The following TRIM66 variants were observed in gnomAD, a reference collection of about 807,000 sequenced individuals.
The protein encoded by TRIM66 is tripartite motif containing 66.
Under a neutral mutation model 148.2 loss-of-function variants are expected in TRIM66, and 99 were observed. The observed-to-expected ratio is 0.67, with a 90% CI of 0.57 to 0.79. The LOEUF is 0.79. Among genes scored for constraint, TRIM66 ranks in the 30% least tolerant of loss-of-function variants. The probability of loss-of-function intolerance (pLI) is 0.00; values close to 1 mark genes in which losing one functional copy is unlikely to be tolerated. For missense variants in TRIM66, 1,666 were observed against 1,697.9 expected, an observed-to-expected ratio of 0.98 and a Z score of 0.33; for synonymous variants, 616 against 635.9, an observed-to-expected ratio of 0.97 and a Z score of 0.47.
At position 8,672,242 on chromosome 11, in the gene TRIM66, C is replaced by T; in HGVS notation, c.27+6G>A. 1 of 1,536,150 alleles carries T rather than the reference C, an allele frequency of 6.5e-7. No individual in the cohort carries two copies. Among genetic ancestry groups the T allele is most frequent in the East Asian group, 2.4e-5 (1 of 40,922 alleles). On this transcript the variant is annotated splice_donor_region_variant and intron_variant, in intron 5 of 24. Coordinates refer to ENST00000646038, the MANE Select transcript of TRIM66 (RefSeq NM_001388022.1). ...GGAGGCTCATGCCTCAGCCTCAGTT[C>T]CTCACCTGGGACCAAAAAGAGAGTC...
chr11:8,665,485 T>C (rs1361466812), intron 6 of TRIM66, among the ~76,000 whole-genome samples: 1 of 152,244 alleles, frequency 6.6e-6, no homozygotes, highest in African/African-American at 2.4e-5. Context: ...ACCTGTTTAT[T>C]TGGCTGTCAT....
chr11:8,641,217 G>A, intron 13 of TRIM66, 65 bp from the exon 14 acceptor site: 1 of 1,399,446 alleles, frequency 7.1e-7, no homozygotes, highest in Non-Finnish European at 9.6e-7. Context: ...GCTACTTCCT[G>A]CTCCTGGGAC....
Position 8,656,795 on chromosome 11 carries a change from C to T in TRIM66, c.341-4892G>A, listed in dbSNP as rs1023879846. Among the ~76,000 whole-genome samples the T allele has an allele frequency of 2.6e-5, 4 of 152,292 alleles. 1 individual carries two copies. Among genetic ancestry groups the T allele is most frequent in the Middle Eastern group, 6.8e-3 (2 of 294 alleles). On this transcript the variant is annotated intron_variant, in intron 6 of 24. Transcript: ENST00000646038. ...GCAGCTGAGAAAGGCAGGCTCACCC[C>T]GCTTTAAAAAGAGACTCTAAGAAGT...
chr11:8,642,497 G>A (rs1468693524), intron 13 of TRIM66, among the ~76,000 whole-genome samples: 2 of 152,112 alleles, frequency 1.3e-5, no homozygotes, highest in Admixed American at 1.3e-4. Context: ...GCAAATGATT[G>A]CAGCAGGGAA....
In TRIM66 at chr11:8,642,795, C is replaced by CCTAT. The variant is rs759268695; in HGVS notation, c.1222+210_1222+213dup. 1.2e-4 allele frequency among the ~76,000 whole-genome samples: 16 copies of CCTAT among 137,098 alleles called. No homozygotes were observed. The East Asian group carries it at 3.2e-3, about 27-fold the overall frequency. The allele number at this position is 137,098 out of a possible 152,430, so 89.9% of individuals were successfully genotyped here. On this transcript the variant is annotated intron_variant, in intron 13 of 24. Coordinates refer to ENST00000646038, the MANE Select transcript of TRIM66 (RefSeq NM_001388022.1). ...ATTTCAACTCATCCTGATACAAAGT[C>CCTAT]CTATATTGCCACTGTTATTTAATTC...
intron 4 of TRIM66, 84 bp from the exon 5 acceptor site, chr11:8,672,469 G>A: frequency 3.0e-6 from 4 of 1,349,420 alleles, no homozygotes; most frequent in Non-Finnish European, 2.9e-6. Context: ...ATTTCAAAGG[G>A]GTTGAGACAC....
chr11:8,666,341 GAAAAAAAA>G (rs558326812), intron 6 of TRIM66, among the ~76,000 whole-genome samples: 38 of 23,540 alleles, frequency 1.6e-3, no homozygotes, highest in Non-Finnish European at 4.4e-3. Context: ...CTCCGCCTCA[GAAAAAAAA>G]AAAAAAAAAA....
In TRIM66 at chr11:8,634,969, A is replaced by G. The variant is rs145447381; in HGVS notation, c.2310+3685T>C. 4.6e-5 allele frequency among the ~76,000 whole-genome samples: 7 copies of G among 152,314 alleles called. No homozygotes were observed. In the East Asian group the frequency reaches 1.4e-3, roughly 29 times the overall value. ...ACAGGCTGGGAGTGGGATGGAGGAC[A>G]AAACACCTTTACCAGATAAAACAAC... On this transcript the variant is annotated intron_variant, in intron 15 of 24. Transcript: ENST00000646038.
Position 8,640,761 on chromosome 11 carries a change from C to A in TRIM66, c.1614G>T (p.Val538=). ...LQPWLETQPP[V]EQESTSQRLG... ...GCCGCTGGGATGTGCTCTCCTGCTCCACGGGGGGCTGGGTTTCCAGCCAGG... is the reference window on the plus strand; with the variant it reads ...GCCGCTGGGATGTGCTCTCCTGCTCAACGGGGGGCTGGGTTTCCAGCCAGG... The change falls in exon 14 of 25, where the codon GTG becomes GTT. Residue 538 remains valine, a synonymous_variant. Coordinates refer to ENST00000646038, the MANE Select transcript of TRIM66 (RefSeq NM_001388022.1). 2 of 1,551,390 alleles carry A rather than the reference C, an allele frequency of 1.3e-6. No individual in the cohort carries two copies. Among genetic ancestry groups the A allele is most frequent in the African/African-American group, 2.7e-5 (2 of 73,156 alleles).
At chr11:8,677,810 T>C (rs1446782373) in intron 3 of TRIM66, among the ~76,000 whole-genome samples, 1 of 152,210 alleles carries the variant, frequency 6.6e-6, no homozygotes, top group Non-Finnish European at 1.5e-5. Context: ...AACAAGGTTT[T>C]CCACCCTAGT....
chr11:8,678,779 T>C (rs118169339), intron 3 of TRIM66, among the ~76,000 whole-genome samples: 6,841 of 152,294 alleles, frequency 0.045, 239 homozygotes, highest in Non-Finnish European at 0.066. Context: ...AGGATGTTGC[T>C]GCTATCTGAA....
intron 6 of TRIM66, chr11:8,658,903 G>A: frequency 1.5e-6 from 1 of 660,062 alleles, no homozygotes; most frequent in Non-Finnish European, 1.9e-6. Flanking sequence ...ACAGTCAGTT[G>A]CCATAGTGAC....
chr11:8,662,848 T>C (rs930138043), intron 6 of TRIM66, among the ~76,000 whole-genome samples: 8 of 152,174 alleles, frequency 5.3e-5, no homozygotes, highest in African/African-American at 1.9e-4. Context: ...ACAGCAACTC[T>C]GAGAACCTTG....
intron 18 of TRIM66, among the ~76,000 whole-genome samples, chr11:8,622,339 AACACACAC>A (rs150269400): frequency 0.22 from 15,972 of 71,446 alleles, 2,687 homozygotes; most frequent in East Asian, 0.32. Flanking sequence ...ACACACACAC[AACACACAC>A]ACACACACAC....
intron 6 of TRIM66, among the ~76,000 whole-genome samples, chr11:8,657,229 C>A (rs938907278): frequency 6.6e-6 from 1 of 152,156 alleles, no homozygotes; most frequent in East Asian, 1.9e-4. Flanking sequence ...GTTGCATAAG[C>A]CTGAGGCCAA....
At chr11:8,649,503 A>G (rs899598544) in intron 8 of TRIM66, among the ~76,000 whole-genome samples, 1 of 152,126 alleles carries the variant, frequency 6.6e-6, no homozygotes, top group African/African-American at 2.4e-5. Flanking sequence ...CAATAATTCA[A>G]CACTTTCCTC....
At chr11:8,648,976 T>C (rs1362583977) in intron 8 of TRIM66, among the ~76,000 whole-genome samples, 1 of 152,258 alleles carries the variant, frequency 6.6e-6, no homozygotes, top group Non-Finnish European at 1.5e-5. Flanking sequence ...TCCTGTGGAT[T>C]TGACAGTTGT....
intron 6 of TRIM66, among the ~76,000 whole-genome samples, chr11:8,668,678 C>T (rs1043520809): frequency 2.6e-5 from 4 of 152,002 alleles, no homozygotes; most frequent in Non-Finnish European, 4.4e-5. Flanking sequence ...CTCCGCCTCC[C>T]GGGTTCACAC....
chr11:8,612,966 G>A lies in TRIM66; in HGVS notation c.*4978C>T, dbSNP rs2033487631. 1.3e-5 allele frequency: 2 copies of A among 152,312 alleles called. No homozygotes were observed. The highest frequency in any genetic ancestry group is 2.9e-5 in the Non-Finnish European group (2 of 68,032). The allele number at this position is 152,312 out of a possible 1,614,324, so 9.4% of individuals were successfully genotyped here. On this transcript the variant is annotated 3_prime_UTR_variant, in exon 25 of 25. Transcript: ENST00000646038. ...TCCACACCCTTGGGCTGACTTAGAT[G>A]GGGTCTCTTAGCAAACAGGCTAAAA...
Sources: gnomAD v4.1 joint callset for allele counts (sites outside exome capture counted in the v4.1 genomes callset) on GRCh38, gnomAD v4.1.1 for gene constraint, MANE v1.5 for transcripts, NCBI Gene and HGNC (gene_info 2026-07-23, HGNC 2026-07-21) for gene names.